Variants in CREB1 observed in about 807,000 individuals in gnomAD.
CREB1 encodes cAMP responsive element binding protein 1, also known as cyclic AMP-responsive element-binding protein 1.
Under a neutral mutation model 42.0 loss-of-function variants are expected in CREB1, and 2 were observed. That is an observed-to-expected ratio of 0.05 (90% CI 0.02 to 0.15). The LOEUF is 0.15. Among genes scored for constraint, CREB1 ranks in the 10% least tolerant of loss-of-function variants. The pLI, the probability that CREB1 is intolerant of heterozygous loss-of-function variation, is 1.00. For missense variants in CREB1, 199 were observed against 388.9 expected (o/e 0.51, Z 4.11); for synonymous variants, 123 against 139.9 (o/e 0.88, Z 0.85).
intron 3 of CREB1, among the ~76,000 whole-genome samples, chr2:207,562,276 A>C (rs984328054): frequency 6.6e-6 from 1 of 152,178 alleles, no homozygotes; most frequent in East Asian, 1.9e-4. Context: ...GGGCACATCT[A>C]CCTTTCTCTT....
chr2:207,605,001 T>C lies in CREB1; in HGVS notation c.*7943T>C, dbSNP rs1033193230. Among the ~76,000 whole-genome samples the C allele has an allele frequency of 3.9e-5, 6 of 152,226 alleles. No individual in the cohort carries two copies. The stretch of plus-strand genomic sequence containing the variant: ...ATTCATCCAGTTGAGTTGTTTCTAC[T>C]GTTTGGCTAATGTTCATAGTGCTGT... On this transcript the variant is annotated 3_prime_UTR_variant, in exon 8 of 8. Transcript: ENST00000353267.
chr2:207,579,797 G>A (rs190238772), intron 7 of CREB1, among the ~76,000 whole-genome samples: 6 of 151,944 alleles, frequency 3.9e-5, no homozygotes, highest in African/African-American at 7.2e-5. Context: ...CTAGCATACC[G>A]CTCATATGTC....
chr2:207,531,156 A>G (rs1267103294), intron 1 of CREB1, among the ~76,000 whole-genome samples: 1 of 152,058 alleles, frequency 6.6e-6, no homozygotes, highest in East Asian at 1.9e-4. Context: ...TATCATTCTG[A>G]AACACTTCGT....
At chr2:207,549,020 A>G (rs1168222531) in intron 1 of CREB1, among the ~76,000 whole-genome samples, 1 of 152,224 alleles carries the variant, frequency 6.6e-6, no homozygotes, top group African/African-American at 2.4e-5. Flanking sequence ...CTCTGTTAAA[A>G]GCAGAAAGAC....
chr2:207,556,046 A>G (rs936507360), intron 2 of CREB1, among the ~76,000 whole-genome samples: 3 of 152,154 alleles, frequency 2.0e-5, no homozygotes, highest in African/African-American at 4.8e-5. Flanking sequence ...AACCTTGGCT[A>G]TGTATGACAA....
chr2:207,544,674 C>T (rs2106389879), intron 1 of CREB1, among the ~76,000 whole-genome samples: 1 of 152,256 alleles, frequency 6.6e-6, no homozygotes, highest in African/African-American at 2.4e-5. Context: ...GTATTAAGCC[C>T]AGCATTCACC....
intron 3 of CREB1, among the ~76,000 whole-genome samples, chr2:207,561,695 C>T (rs957837973): frequency 6.6e-6 from 1 of 152,154 alleles, no homozygotes; most frequent in Non-Finnish European, 1.5e-5. Flanking sequence ...GTTTCCTCTT[C>T]ACCATCCTGG....
intron 3 of CREB1, among the ~76,000 whole-genome samples, chr2:207,566,504 G>T (rs780006617): frequency 3.3e-5 from 5 of 152,130 alleles, no homozygotes; most frequent in Admixed American, 6.5e-5. Context: ...GTCTAGAAAA[G>T]GTGTGAAAAT....
chr2:207,556,858 C>T (rs956798714), intron 2 of CREB1, among the ~76,000 whole-genome samples: 7 of 152,158 alleles, frequency 4.6e-5, no homozygotes, highest in African/African-American at 1.2e-4. Flanking sequence ...AATGCTAGGC[C>T]GGGCGCTGTG....
At chr2:207,580,848 G>C (rs2106608734) in intron 7 of CREB1, 1 of 220,304 alleles carries the variant, frequency 4.5e-6, no homozygotes, top group South Asian at 1.8e-4. Flanking sequence ...CTAGGATCCT[G>C]GGCTAGATAG....
At chr2:207,561,026 C>A in intron 3 of CREB1, 1 of 1,089,984 alleles carries the variant, frequency 9.2e-7, no homozygotes, top group South Asian at 1.3e-5. Flanking sequence ...CAGTATAGAT[C>A]ATTGCAATTG....
chr2:207,585,779 C>T (rs1478043426), intron 7 of CREB1, among the ~76,000 whole-genome samples: 1 of 151,972 alleles, frequency 6.6e-6, no homozygotes, highest in Admixed American at 6.6e-5. Flanking sequence ...AAAAAACAGT[C>T]GAGCAGAAAG....
intron 1 of CREB1, among the ~76,000 whole-genome samples, chr2:207,541,943 C>T (rs1332843999): frequency 1.3e-5 from 2 of 152,198 alleles, no homozygotes; most frequent in African/African-American, 4.8e-5. Flanking sequence ...TAAGTGGAAT[C>T]ATATAGCATA....
At chr2:207,567,440 A>G (rs1343097997) in intron 3 of CREB1, 23 bp from the exon 4 acceptor site, 2 of 1,536,196 alleles carry the variant, frequency 1.3e-6, no homozygotes, top group South Asian at 1.1e-5. Context: ...GATTATCAAT[A>G]TGAAGTTTTT....
intron 3 of CREB1, chr2:207,561,213 G>T: frequency 7.0e-7 from 1 of 1,437,818 alleles, no homozygotes; most frequent in East Asian, 2.3e-5. Context: ...AGGAAGGTGA[G>T]AAATTATTCT....
At chr2:207,560,990 T>A in intron 3 of CREB1, 1 of 768,746 alleles carries the variant, frequency 1.3e-6, no homozygotes. Flanking sequence ...AGGTGACTAC[T>A]CTGTTTAACT....
intron 3 of CREB1, among the ~76,000 whole-genome samples, chr2:207,564,927 G>A (rs569370492): frequency 4.1e-4 from 63 of 152,220 alleles, no homozygotes; most frequent in Admixed American, 2.0e-3. Context: ...ATGATGATAC[G>A]TGATGTTTAT....
chr2:207,577,680 T>C (rs763593110), intron 7 of CREB1, 25 bp downstream of exon 7: 5 of 1,612,192 alleles, frequency 3.1e-6, no homozygotes, highest in Non-Finnish European at 4.2e-6. Context: ...TTTACTTAGA[T>C]TGTTATGTGT....
chr2:207,541,977 T>G (rs2106374648), intron 1 of CREB1, among the ~76,000 whole-genome samples: 1 of 152,314 alleles, frequency 6.6e-6, no homozygotes, highest in East Asian at 1.9e-4. Context: ...TGAGCTGCCT[T>G]TAGCATAATG....
Sources: allele counts gnomAD v4.1 joint callset (sites outside exome capture counted in the v4.1 genomes callset), GRCh38; gene constraint gnomAD v4.1.1; transcripts MANE v1.5; gene names NCBI Gene and HGNC (gene_info 2026-07-23, HGNC 2026-07-21).